Variants in PLP1 observed in about 807,000 individuals in gnomAD.
The protein encoded by PLP1 is myelin proteolipid protein.
Under a neutral mutation model 18.5 loss-of-function variants are expected in PLP1, and 2 were observed. That is an observed-to-expected ratio of 0.11 (90% confidence interval 0.04 to 0.34). PLP1 has a LOEUF of 0.34. Among genes scored for constraint, PLP1 ranks in the 10% least tolerant of loss-of-function variants. The pLI is 1.00. For synonymous variants in PLP1, 86 were observed against 83.2 expected, an observed-to-expected ratio of 1.03 and a Z score of -0.19; for missense variants, 105 against 207.3, an observed-to-expected ratio of 0.51 and a Z score of 3.03.
In PLP1 at chrX:103,789,360, G is replaced by A; in HGVS notation, c.724G>A (p.Ala242Thr). Residue 242 changes from alanine (A) to threonine (T), a missense_variant, in exon 6 of 7, where the codon GCT (alanine) becomes ACT (threonine). By Grantham distance (58) the Ala-to-Thr change is moderately conservative. Coordinates refer to ENST00000621218, the MANE Select transcript of PLP1 (RefSeq NM_000533.5). ...CCAAATGACCTTCCACCTGTTTATT[G>A]CTGCATTTGTGGGGGCTGCAGCTAC... ...EFQMTFHLFI[A>T]AFVGAAATLV... 1 of 1,209,246 alleles carries A rather than the reference G, an allele frequency of 8.3e-7. No individual in the cohort carries two copies. Among genetic ancestry groups the A allele is most frequent in the Non-Finnish European group, 1.1e-6 (1 of 893,095 alleles).
chrX:103,780,988 TCTCA>T, intron 1 of PLP1: 1 of 147,289 alleles, frequency 6.8e-6, no homozygotes, highest in South Asian at 1.7e-4. Flanking sequence ...GGGGCCAGTT[TCTCA>T]CTCAATGAGC....
rs909536249 is a variant in PLP1 at position 103,789,357 on chromosome X, A to G, written c.721A>G (p.Ile241Val). The change falls in exon 6 of 7, where the codon ATT becomes GTT. Residue 241 changes from isoleucine (I) to valine (V), a missense_variant. Coordinates refer to ENST00000621218, the MANE Select transcript of PLP1 (RefSeq NM_000533.5). The stretch of plus-strand genomic sequence containing the variant: ...GTTCCAAATGACCTTCCACCTGTTT[A>G]TTGCTGCATTTGTGGGGGCTGCAGC... The part of the protein sequence containing the change: ...AEFQMTFHLF[I>V]AAFVGAAATL... 3 of 1,207,931 alleles carry G rather than the reference A, an allele frequency of 2.5e-6. No individual in the cohort carries two copies. In the African/African-American group the frequency reaches 5.2e-5, roughly 21 times the overall value.
Position 103,786,720 on chromosome X carries a change from C to G in PLP1, c.447C>G (p.Pro149=). ...CHCLGKWLGH[P]DKFVGITYAL... ...GTTTGGGAAAATGGCTAGGACATCC[C>G]GACAAGGTGATCATCCTCAGGATTT... Residue 149 remains proline (P), a synonymous_variant, in exon 3 of 7, where the codon CCC becomes CCG. Coordinates refer to ENST00000621218, the MANE Select transcript of PLP1 (RefSeq NM_000533.5). The G allele has an allele frequency of 1.7e-6, 2 of 1,210,869 alleles. No individual in the cohort carries two copies. The highest frequency in any genetic ancestry group is 1.8e-5 in the South Asian group (1 of 56,938).
chrX:103,789,775 A>G (rs754320464), intron 6 of PLP1, among the ~76,000 whole-genome samples: 2 of 112,126 alleles, frequency 1.8e-5, no homozygotes, highest in African/African-American at 6.5e-5. Flanking sequence ...ATGACTTGCT[A>G]TAGCCTGGAA....
At chrX:103,780,148 A>G (rs1275390986) in intron 1 of PLP1, 1 of 112,891 alleles carries the variant, frequency 8.9e-6, no homozygotes, top group East Asian at 2.8e-4. Flanking sequence ...CTGGCCTCTG[A>G]GCTGTCTGCC....
chrX:103,779,297 T>C lies in PLP1; in HGVS notation c.4+2298T>C, dbSNP rs762823016. ...GGCTGTTACCCTGGTAACCAGACTG[T>C]GATGCCTCCATCCAAAAGTGGCTGT... is the stretch of plus-strand genomic sequence containing the variant. On this transcript the variant is annotated intron_variant, in intron 1 of 6. Transcript: ENST00000621218. Among the ~76,000 whole-genome samples, 3 of 112,406 alleles carry C rather than the reference T, an allele frequency of 2.7e-5. No homozygotes were observed. The South Asian group carries it at 1.1e-3, about 42-fold the overall frequency.
At chrX:103,788,531 A>G (rs1385008429) in intron 5 of PLP1, 21 bp downstream of exon 5, 15 of 1,110,629 alleles carry the variant, frequency 1.4e-5, no homozygotes, top group Non-Finnish European at 1.9e-5. Context: ...TATTTGGGTT[A>G]TTTTACAAGG....
rs1483853759 is a variant in PLP1, at chrX:103,786,475, T to C, written c.202T>C (p.Phe68Leu). 2 of 1,207,586 alleles carry C rather than the reference T, an allele frequency of 1.7e-6. No individual in the cohort carries two copies. Among genetic ancestry groups the C allele is most frequent in the African/African-American group, 3.5e-5 (2 of 56,959 alleles). Residue 68 changes from phenylalanine (F) to leucine (L), a missense_variant, in exon 3 of 7, where the codon TTC becomes CTC. Coordinates refer to ENST00000621218, the MANE Select transcript of PLP1 (RefSeq NM_000533.5). ...YEYLINVIHAFQYVIYGTASF... is the reference protein window; with the variant it reads ...YEYLINVIHALQYVIYGTASF... ...TACCTGTTAATGCAGGATCCATGCCTTCCAGTATGTCATCTATGGAACTGC... is the reference window on the plus strand; with the variant it reads ...TACCTGTTAATGCAGGATCCATGCCCTCCAGTATGTCATCTATGGAACTGC...
rs184546595 is a variant in PLP1, at chrX:103,788,137, C to G, written c.622+171C>G. 6.2e-5 allele frequency among the ~76,000 whole-genome samples: 7 copies of G among 112,003 alleles called. No individual in the cohort carries two copies. In the East Asian group the frequency reaches 2.0e-3, roughly 31 times the overall value. On this transcript the variant is annotated intron_variant, in intron 4 of 6. Coordinates refer to ENST00000621218, the MANE Select transcript of PLP1 (RefSeq NM_000533.5). ...TACTGAAACCAGAGAGGTTTCTTCC[C>G]CGGGAAGGGAACTTGGAAGTGGTGG...
chrX:103,787,661 T>C, intron 3 of PLP1, 137 bp from the exon 4 acceptor site: 2 of 566,143 alleles, frequency 3.5e-6, no homozygotes, highest in Non-Finnish European at 6.3e-6. Context: ...GGTGCCCTGC[T>C]CACTAATTTC....
chrX:103,786,967 G>A, intron 3 of PLP1: 1 of 425,126 alleles, frequency 2.4e-6, no homozygotes, highest in East Asian at 3.9e-5. Flanking sequence ...GAGTTTTGTG[G>A]GATGCTTTGT....
chrX:103,787,280 C>T (rs1015479788), intron 3 of PLP1, among the ~76,000 whole-genome samples: 3 of 111,760 alleles, frequency 2.7e-5, no homozygotes, highest in African/African-American at 6.5e-5. Context: ...CATTTGTTTT[C>T]AGTCTCTGGA....
chrX:103,781,232 G>A, intron 1 of PLP1: 1 of 305,142 alleles, frequency 3.3e-6, no homozygotes, highest in Non-Finnish European at 6.6e-6. Flanking sequence ...GAGGGAGGGA[G>A]GGTTGGGAGC....
intron 5 of PLP1, chrX:103,788,814 C>T (rs749647087): frequency 2.3e-5 from 8 of 342,016 alleles, no homozygotes; most frequent in African/African-American, 1.8e-4. Context: ...ATTTTCATTC[C>T]TTTAGTTAAA....
chrX:103,776,635 A>G (rs1161068533), upstream of PLP1: 2 of 233,503 alleles, frequency 8.6e-6, no homozygotes, highest in African/African-American at 5.7e-5. Flanking sequence ...TCTGCAGCAA[A>G]GCGAAATTCC....
chrX:103,781,760 T>G (rs2074455751), intron 1 of PLP1, among the ~76,000 whole-genome samples: 1 of 112,502 alleles, frequency 8.9e-6, no homozygotes, highest in Non-Finnish European at 1.9e-5. Flanking sequence ...CTGACTGAGT[T>G]GCATTGAGAA....
At chrX:103,780,138 C>T (rs2074440708) in intron 1 of PLP1, 1 of 113,083 alleles carries the variant, frequency 8.8e-6, no homozygotes, top group Admixed American at 9.3e-5. Flanking sequence ...CAGCTCTGCA[C>T]TGGCCTCTGA....
chrX:103,790,810 C>T lies in PLP1; in HGVS notation c.*212C>T. ...CTCTTTTAGTCATTTTGCTTCATAGCTGGTTCCTGCTAGAAATGGGAAATG... is the reference window on the plus strand; with the variant it reads ...CTCTTTTAGTCATTTTGCTTCATAGTTGGTTCCTGCTAGAAATGGGAAATG... On this transcript the variant is annotated 3_prime_UTR_variant, in exon 7 of 7. Coordinates refer to ENST00000621218, the MANE Select transcript of PLP1 (RefSeq NM_000533.5). The T allele has an allele frequency of 2.3e-6, 1 of 434,613 alleles. No individual in the cohort carries two copies. Among genetic ancestry groups the T allele is most frequent in the Admixed American group, 3.6e-5 (1 of 27,502 alleles). 35.8% of individuals were successfully genotyped at this position (434,613 alleles called of 1,213,427 possible).
At chrX:103,784,820 C>T (rs764648137) in intron 1 of PLP1, among the ~76,000 whole-genome samples, 86 of 112,018 alleles carry the variant, frequency 7.7e-4, no homozygotes, top group African/African-American at 2.7e-3. Context: ...TAAAGACTCC[C>T]ATATGGCAGA....
Sources: gnomAD v4.1 joint callset for allele counts (sites outside exome capture counted in the v4.1 genomes callset) on GRCh38, gnomAD v4.1.1 for gene constraint, MANE v1.5 for transcripts, NCBI Gene and HGNC (gene_info 2026-07-23, HGNC 2026-07-21) for gene names.